Variants in SEMA5A observed in about 807,000 individuals in gnomAD.
SEMA5A encodes semaphorin-5A.
Under a neutral mutation model 135.5 loss-of-function variants are expected in SEMA5A, and 55 were observed. The observed-to-expected ratio is 0.41, with a 90% CI of 0.33 to 0.51. The LOEUF is 0.51. Ranked by LOEUF, SEMA5A falls within the 20% of genes least tolerant of loss-of-function variation. SEMA5A has a pLI of 0.37. For missense variants in SEMA5A, 1,290 were observed against 1,419.9 expected, an observed-to-expected ratio of 0.91 and a Z score of 1.47; for synonymous variants, 580 against 546.5, an observed-to-expected ratio of 1.06 and a Z score of -0.85.
At chr5:9,340,080 A>G (rs1450972546) in intron 3 of SEMA5A, among the ~76,000 whole-genome samples, 1 of 152,248 alleles carries the variant, frequency 6.6e-6, no homozygotes, top group African/African-American at 2.4e-5. Flanking sequence ...TAGTAAATTC[A>G]GGTGCAAGAA....
chr5:9,195,217 C>A (rs911783788), intron 10 of SEMA5A, among the ~76,000 whole-genome samples: 3 of 152,190 alleles, frequency 2.0e-5, no homozygotes, highest in Non-Finnish European at 2.9e-5. Flanking sequence ...GTCACCCAGA[C>A]TGGAGTGCAG....
At chr5:9,384,583 G>C (rs2696363) in intron 2 of SEMA5A, among the ~76,000 whole-genome samples, 16,824 of 84,224 alleles carry the variant, frequency 0.2, 1,876 homozygotes, top group African/African-American at 0.25. Context: ...TAGATAGATA[G>C]ATAGATAGAT....
intron 2 of SEMA5A, among the ~76,000 whole-genome samples, chr5:9,422,788 G>T (rs1276908034): frequency 6.6e-6 from 1 of 151,862 alleles, no homozygotes; most frequent in African/African-American, 2.4e-5. Flanking sequence ...GACTATTATT[G>T]GTATCACCAA....
At chr5:9,256,479 A>AT (rs1054980074) in intron 5 of SEMA5A, among the ~76,000 whole-genome samples, 1 of 152,156 alleles carries the variant, frequency 6.6e-6, no homozygotes, top group Non-Finnish European at 1.5e-5. Context: ...ATATTCAGAT[A>AT]TTGACTCAAC....
intron 12 of SEMA5A, among the ~76,000 whole-genome samples, chr5:9,142,805 A>C (rs1742137765): frequency 6.6e-6 from 1 of 152,188 alleles, no homozygotes; most frequent in South Asian, 2.1e-4. Flanking sequence ...CATGTTCAAA[A>C]ATAGAAAAAT....
At chr5:9,379,759 A>G in intron 3 of SEMA5A, 64 bp downstream of exon 3, 14 of 1,575,256 alleles carry the variant, frequency 8.9e-6, no homozygotes, top group Non-Finnish European at 1.2e-5. Flanking sequence ...ATTATCTTCT[A>G]TCACTAAACA....
chr5:9,155,073 G>C (rs144790643), intron 11 of SEMA5A, among the ~76,000 whole-genome samples: 15 of 152,182 alleles, frequency 9.9e-5, no homozygotes, highest in South Asian at 2.1e-4. Context: ...TAGTGACAGA[G>C]ATGCTGATTT....
At chr5:9,085,623 T>C (rs899639795) in intron 16 of SEMA5A, among the ~76,000 whole-genome samples, 2 of 152,180 alleles carry the variant, frequency 1.3e-5, no homozygotes, top group Non-Finnish European at 2.9e-5. Context: ...AACACATGAA[T>C]GTCCAGGCAG....
chr5:9,115,125 A>AT (rs771217242), intron 15 of SEMA5A, among the ~76,000 whole-genome samples: 14 of 152,216 alleles, frequency 9.2e-5, no homozygotes, highest in Non-Finnish European at 1.8e-4. Flanking sequence ...TTGAAGGCCC[A>AT]TAATGTTTTT....
intron 1 of SEMA5A, among the ~76,000 whole-genome samples, chr5:9,512,592 G>A (rs1389010632): frequency 2.6e-5 from 4 of 152,060 alleles, no homozygotes; most frequent in Non-Finnish European, 5.9e-5. Context: ...TGCACATGGA[G>A]TGGTTTTAAA....
chr5:9,085,295 G>C (rs904439274), intron 16 of SEMA5A, among the ~76,000 whole-genome samples: 1 of 152,214 alleles, frequency 6.6e-6, no homozygotes, highest in Non-Finnish European at 1.5e-5. Context: ...CCAAGACAAT[G>C]GGGGAAGTGT....
chr5:9,237,444 T>A (rs1334035450), intron 6 of SEMA5A, among the ~76,000 whole-genome samples: 2 of 152,246 alleles, frequency 1.3e-5, no homozygotes, highest in Non-Finnish European at 2.9e-5. Context: ...ATATTTTATG[T>A]AATAAATTTA....
At chr5:9,093,632 G>A (rs932906384) in intron 16 of SEMA5A, among the ~76,000 whole-genome samples, 12 of 152,156 alleles carry the variant, frequency 7.9e-5, no homozygotes, top group Non-Finnish European at 1.3e-4. Flanking sequence ...GGTTGAGCTC[G>A]TGAGGCGGAG....
At chr5:9,060,539 C>A (rs1187219912) in intron 18 of SEMA5A, among the ~76,000 whole-genome samples, 1 of 152,074 alleles carries the variant, frequency 6.6e-6, no homozygotes, top group Non-Finnish European at 1.5e-5. Flanking sequence ...TTCCTCTCAG[C>A]CCCCAGAGGA....
rs902258760 is a variant in SEMA5A at position 9,038,878 on chromosome 5, C to T, written c.*4019G>A. 2.6e-5 allele frequency: 4 copies of T among 152,122 alleles called. No individual in the cohort carries two copies. Among genetic ancestry groups the T allele is most frequent in the African/African-American group, 9.7e-5 (4 of 41,378 alleles). The allele number at this position is 152,122 out of a possible 1,614,324, so 9.4% of individuals were successfully genotyped here. On this transcript the variant is annotated 3_prime_UTR_variant, in exon 23 of 23. Transcript: ENST00000382496. ...AAGAAACTGGGACCACAGGCACGCACCACGATGGCTGGCTAATATTTTGTA... is the reference window on the plus strand; with the variant it reads ...AAGAAACTGGGACCACAGGCACGCATCACGATGGCTGGCTAATATTTTGTA...
chr5:9,183,577 A>C (rs1036302656), intron 11 of SEMA5A, among the ~76,000 whole-genome samples: 5 of 152,186 alleles, frequency 3.3e-5, no homozygotes, highest in African/African-American at 1.2e-4. Flanking sequence ...CAAATGGCCA[A>C]GGGTTCAGGG....
At chr5:9,391,888 C>T (rs947513673) in intron 2 of SEMA5A, among the ~76,000 whole-genome samples, 6 of 152,184 alleles carry the variant, frequency 3.9e-5, no homozygotes, top group African/African-American at 1.2e-4. Flanking sequence ...CCTGACCCCA[C>T]CAACAAACCC....
At chr5:9,131,739 A>G (rs1351540732) in intron 13 of SEMA5A, among the ~76,000 whole-genome samples, 1 of 150,452 alleles carries the variant, frequency 6.6e-6, no homozygotes, top group Non-Finnish European at 1.5e-5. Context: ...ATTCGCCCCC[A>G]TGACCTAAAC....
intron 3 of SEMA5A, among the ~76,000 whole-genome samples, chr5:9,370,833 C>G (rs3798004): frequency 1.3e-5 from 2 of 152,132 alleles, no homozygotes; most frequent in Non-Finnish European, 2.9e-5. Context: ...AAGAAAGATA[C>G]TGCCTAATTA....
Sources: gnomAD v4.1 joint callset for allele counts (sites outside exome capture counted in the v4.1 genomes callset) on GRCh38, gnomAD v4.1.1 for gene constraint, MANE v1.5 for transcripts, NCBI Gene and HGNC (gene_info 2026-07-23, HGNC 2026-07-21) for gene names.